PTPRG: variants seen among roughly 807,000 people sequenced by gnomAD.
PTPRG encodes protein tyrosine phosphatase receptor type G.
In PTPRG, 102 loss-of-function variants were observed where a neutral mutation model predicts 165.3. That is an observed-to-expected ratio of 0.62 (90% CI 0.53 to 0.73). The LOEUF is 0.73. Ranked by LOEUF, PTPRG falls within the 30% of genes least tolerant of loss-of-function variation. The pLI is 0.00. For missense variants in PTPRG, 1,866 were observed against 1,861.4 expected (o/e 1.00, Z -0.05); for synonymous variants, 675 against 669.5 (o/e 1.01, Z -0.13).
rs188558978 is a variant in PTPRG, at chr3:62,024,830, A to G, written c.519+21333A>G. Among the ~76,000 whole-genome samples the G allele has an allele frequency of 1.2e-3, 186 of 152,324 alleles. 1 individual carries two copies. The highest frequency in any genetic ancestry group is 4.2e-3 in the African/African-American group (176 of 41,570). ...ACTTGACTTCATAGTGCTTGGGTTT[A>G]GGGACATAAATAGGGCTGTGTTTTG... On this transcript the variant is annotated intron_variant, in intron 4 of 29. Coordinates refer to ENST00000474889, the MANE Select transcript of PTPRG (RefSeq NM_002841.4).
At chr3:61,754,649 C>G (rs905389109) in intron 2 of PTPRG, among the ~76,000 whole-genome samples, 2 of 152,126 alleles carry the variant, frequency 1.3e-5, no homozygotes, top group African/African-American at 4.8e-5. Flanking sequence ...AAGGGGAGTC[C>G]TGCCATGAAA....
At chr3:61,625,906 C>G (rs747065349) in intron 1 of PTPRG, among the ~76,000 whole-genome samples, 7 of 152,032 alleles carry the variant, frequency 4.6e-5, no homozygotes, top group Non-Finnish European at 8.8e-5. Context: ...AGCTGCTTTC[C>G]TTTTCTATGC....
At chr3:61,817,613 T>TG (rs1429508213) in intron 2 of PTPRG, among the ~76,000 whole-genome samples, 1 of 152,148 alleles carries the variant, frequency 6.6e-6, no homozygotes, top group Non-Finnish European at 1.5e-5. Flanking sequence ...AGAATATGTG[T>TG]GGATGGGACA....
intron 1 of PTPRG, among the ~76,000 whole-genome samples, chr3:61,708,814 A>G (rs1255252128): frequency 6.6e-6 from 1 of 152,234 alleles, no homozygotes; most frequent in Non-Finnish European, 1.5e-5. Context: ...GGAAGATACC[A>G]GTCTGGATTC....
At chr3:61,742,914 C>A in intron 1 of PTPRG, 2 of 1,470,452 alleles carry the variant, frequency 1.4e-6, no homozygotes, top group African/African-American at 1.4e-5. Flanking sequence ...CCAGGACACA[C>A]ACACACAACT....
At chr3:62,047,316 G>A (rs1163585170) in intron 4 of PTPRG, among the ~76,000 whole-genome samples, 1 of 151,654 alleles carries the variant, frequency 6.6e-6, no homozygotes, top group Non-Finnish European at 1.5e-5. Context: ...CTGGAGTGCA[G>A]TGGCATGATC....
chr3:61,728,889 A>AAAG (rs2032372083), intron 1 of PTPRG, among the ~76,000 whole-genome samples: 1 of 150,532 alleles, frequency 6.6e-6, no homozygotes, highest in African/African-American at 2.4e-5. Flanking sequence ...AAAAAAAAAA[A>AAAG]AAAGAAAGAA....
intron 2 of PTPRG, among the ~76,000 whole-genome samples, chr3:61,846,079 A>C (rs150166823): frequency 1.1e-4 from 16 of 152,324 alleles, no homozygotes; most frequent in African/African-American, 3.8e-4. Context: ...CTCATCCATT[A>C]AATAGGGATA....
chr3:61,732,626 A>G (rs969720705), intron 1 of PTPRG, among the ~76,000 whole-genome samples: 26 of 151,130 alleles, frequency 1.7e-4, no homozygotes, highest in African/African-American at 3.9e-4. Context: ...GGAGAATGGC[A>G]TGAACCCGAG....
intron 12 of PTPRG, among the ~76,000 whole-genome samples, chr3:62,216,112 G>A (rs1700496471): frequency 6.6e-6 from 1 of 152,026 alleles, no homozygotes; most frequent in African/African-American, 2.4e-5. Flanking sequence ...CAGGTACTTG[G>A]AGGGCTAAGG....
intron 2 of PTPRG, among the ~76,000 whole-genome samples, chr3:61,847,465 C>T (rs550498060): frequency 6.6e-6 from 1 of 152,244 alleles, no homozygotes; most frequent in South Asian, 2.1e-4. Flanking sequence ...TTTAGGCACC[C>T]AGTTTGTGGT....
chr3:62,153,712 A>G lies in PTPRG; in HGVS notation c.683-3355A>G, dbSNP rs542158515. ...TTTACTGTGTTCCCAGCTCTTTCTG[A>G]ACCTCTTTCTTTTATTGACTTATTT... On this transcript the variant is annotated intron_variant, in intron 6 of 29. Coordinates refer to ENST00000474889, the MANE Select transcript of PTPRG (RefSeq NM_002841.4). Among the ~76,000 whole-genome samples, 24 of 138,172 alleles carry G rather than the reference A, an allele frequency of 1.7e-4. 1 individual carries two copies. Among genetic ancestry groups the G allele is most frequent in the Non-Finnish European group, 3.1e-4 (21 of 67,892 alleles). The allele number at this position is 138,172 out of a possible 152,430, so 90.6% of individuals were successfully genotyped here.
At chr3:61,847,590 A>G (rs1013319335) in intron 2 of PTPRG, among the ~76,000 whole-genome samples, 1 of 152,332 alleles carries the variant, frequency 6.6e-6, no homozygotes, top group African/African-American at 2.4e-5. Context: ...GAACATGGCT[A>G]TCACTGCAGA....
chr3:62,149,228 A>T (rs942260612), intron 6 of PTPRG, among the ~76,000 whole-genome samples: 4 of 151,404 alleles, frequency 2.6e-5, no homozygotes, highest in Non-Finnish European at 5.9e-5. Context: ...TTGTATTTGG[A>T]TCATAAAATT....
At chr3:62,186,516 C>T (rs1423291753) in intron 8 of PTPRG, among the ~76,000 whole-genome samples, 1 of 149,576 alleles carries the variant, frequency 6.7e-6, no homozygotes, top group South Asian at 2.1e-4. Flanking sequence ...ACGGGTGGCC[C>T]ATCGGCCTCA....
intron 1 of PTPRG, among the ~76,000 whole-genome samples, chr3:61,625,569 G>T (rs1031076327): frequency 6.6e-6 from 1 of 152,134 alleles, no homozygotes; most frequent in East Asian, 1.9e-4. Context: ...CCGTGACTTG[G>T]AAATACAAGG....
At chr3:62,004,000 A>G (rs2107724261) in intron 4 of PTPRG, among the ~76,000 whole-genome samples, 1 of 152,220 alleles carries the variant, frequency 6.6e-6, no homozygotes, top group African/African-American at 2.4e-5. Context: ...TGATGGTGAC[A>G]TTTTGCTTCT....
intron 1 of PTPRG, among the ~76,000 whole-genome samples, chr3:61,622,551 A>T (rs1016188028): frequency 2.6e-5 from 4 of 152,160 alleles, no homozygotes; most frequent in Non-Finnish European, 4.4e-5. Context: ...GCAGGTAAAG[A>T]TCTAATTTTA....
intron 7 of PTPRG, among the ~76,000 whole-genome samples, chr3:62,158,262 G>C (rs922548141): frequency 1.3e-5 from 2 of 152,178 alleles, no homozygotes; most frequent in African/African-American, 2.4e-5. Context: ...GGACATGTTA[G>C]TTGTGCAAAA....
Sources: gnomAD v4.1 joint callset for allele counts (sites outside exome capture counted in the v4.1 genomes callset) on GRCh38, gnomAD v4.1.1 for gene constraint, MANE v1.5 for transcripts, NCBI Gene and HGNC (gene_info 2026-07-23, HGNC 2026-07-21) for gene names.